Variants in ADD2 observed in about 807,000 individuals in gnomAD.
ADD2 encodes beta-adducin.
Under a neutral mutation model 83.0 loss-of-function variants are expected in ADD2, and 23 were observed. The observed-to-expected ratio is 0.28, with a 90% CI of 0.20 to 0.39. ADD2 has a LOEUF of 0.39. Ranked by LOEUF, ADD2 falls within the 10% of genes least tolerant of loss-of-function variation. The pLI, the probability that ADD2 is intolerant of heterozygous loss-of-function variation, is 1.00. For missense variants in ADD2, 758 were observed against 944.9 expected, an observed-to-expected ratio of 0.80 and a Z score of 2.59; for synonymous variants, 375 against 375.4, an observed-to-expected ratio of 1.00 and a Z score of 0.01.
intron 1 of ADD2, among the ~76,000 whole-genome samples, chr2:70,758,302 G>A (rs1236856211): frequency 1.3e-5 from 2 of 152,144 alleles, no homozygotes; most frequent in African/African-American, 4.8e-5. Flanking sequence ...CTAGCTTTGT[G>A]AATTTTTTTG....
chr2:70,696,201 G>C, intron 5 of ADD2, 44 bp downstream of exon 5: 1 of 1,590,764 alleles, frequency 6.3e-7, no homozygotes. Context: ...GGTTTTGTGG[G>C]ACCACATGCA....
intron 1 of ADD2, among the ~76,000 whole-genome samples, chr2:70,714,405 A>C (rs1488246050): frequency 2.0e-5 from 3 of 152,064 alleles, no homozygotes; most frequent in Non-Finnish European, 2.9e-5. Flanking sequence ...GGACAAGGAG[A>C]ACTCATCTTG....
At chr2:70,767,521 G>A in intron 1 of ADD2, 1 of 435,554 alleles carries the variant, frequency 2.3e-6, no homozygotes, top group Non-Finnish European at 3.2e-6. Flanking sequence ...GGAGGGGAGG[G>A]AGGGGAGGGG....
intron 4 of ADD2, among the ~76,000 whole-genome samples, 200 bp downstream of exon 4, chr2:70,704,121 T>C (rs1012371594): frequency 6.6e-6 from 1 of 152,148 alleles, no homozygotes; most frequent in Non-Finnish European, 1.5e-5. Context: ...AATTTTTCTG[T>C]GGACGTTTAA....
intron 4 of ADD2, among the ~76,000 whole-genome samples, chr2:70,703,234 AAG>A (rs782118580): frequency 4.6e-5 from 7 of 152,134 alleles, no homozygotes; most frequent in Admixed American, 1.3e-4. Context: ...GAGAAAGAGA[AAG>A]AGAGAGAGAA....
rs143736011 is a variant in ADD2, at chr2:70,673,311, C to T, written c.1742-305G>A. ...CACGGCCGGACCAGAGCCTGGCTCTCGTTCCTGTCCTGTCTCTGAAGAGAA... is the reference window on the plus strand; with the variant it reads ...CACGGCCGGACCAGAGCCTGGCTCTTGTTCCTGTCCTGTCTCTGAAGAGAA... On this transcript the variant is annotated intron_variant, in intron 14 of 15. Coordinates refer to ENST00000264436, the MANE Select transcript of ADD2 (RefSeq NM_001617.4). 4.1e-4 allele frequency: 655 copies of T among 1,613,954 alleles called. 1 individual carries two copies. Among genetic ancestry groups the T allele is most frequent in the Non-Finnish European group, 1.4e-4 (171 of 1,180,042 alleles).
Position 70,676,527 on chromosome 2 carries a change from G to A in ADD2, c.1593+269C>T, listed in dbSNP as rs1217404416. 2 of 1,385,218 alleles carry A rather than the reference G, an allele frequency of 1.4e-6. No homozygotes were observed. Among genetic ancestry groups the A allele is most frequent in the Non-Finnish European group, 1.9e-6 (2 of 1,065,254 alleles). The allele number at this position is 1,385,218 out of a possible 1,614,324, so 85.8% of individuals were successfully genotyped here. On this transcript the variant is annotated intron_variant, in intron 13 of 15. Transcript: ENST00000264436. The surrounding 1 kb of genome is among the most constrained non-coding windows in gnomAD (Gnocchi z 4.8). ...GACAGAGTGGAGTTCCATGGCAGGA[G>A]GTACGGAAGCCGGCCGCATCACTCC...
chr2:70,674,456 C>T (rs1670036905), intron 14 of ADD2, among the ~76,000 whole-genome samples: 1 of 152,162 alleles, frequency 6.6e-6, no homozygotes, highest in Non-Finnish European at 1.5e-5. Flanking sequence ...AAGCACATTA[C>T]AAGTATTAAC....
At chr2:70,693,695 TG>T (rs1671165193) in intron 6 of ADD2, among the ~76,000 whole-genome samples, 1 of 152,226 alleles carries the variant, frequency 6.6e-6, no homozygotes, top group Non-Finnish European at 1.5e-5. Flanking sequence ...TAAACCCAAG[TG>T]TGGAGTGCTG....
chr2:70,668,506 C>G (rs890577000), intron 15 of ADD2, among the ~76,000 whole-genome samples: 1 of 152,200 alleles, frequency 6.6e-6, no homozygotes, highest in South Asian at 2.1e-4. Context: ...TTTTGAGAGT[C>G]TATTCATCAC....
chr2:70,672,177 A>G (rs1007206814), intron 15 of ADD2, among the ~76,000 whole-genome samples: 19 of 152,340 alleles, frequency 1.2e-4, no homozygotes, highest in Admixed American at 7.8e-4. Flanking sequence ...AGGCTCAGAG[A>G]TGCTGATTTG....
chr2:70,756,590 G>A (rs1461525432), intron 1 of ADD2, among the ~76,000 whole-genome samples: 2 of 152,182 alleles, frequency 1.3e-5, no homozygotes, highest in Admixed American at 1.3e-4. Context: ...AGGAAATAGA[G>A]TATTTTATCA....
chr2:70,691,208 C>T (rs2286316), intron 7 of ADD2, among the ~76,000 whole-genome samples: 44,097 of 152,022 alleles, frequency 0.29, 6,746 homozygotes, highest in East Asian at 0.44. Context: ...CTCCAGAGAC[C>T]TATTGCTGCC....
intron 15 of ADD2, among the ~76,000 whole-genome samples, chr2:70,671,786 G>T (rs555711962): frequency 9.5e-4 from 144 of 152,272 alleles, no homozygotes; most frequent in African/African-American, 3.4e-3. Context: ...TGTGGAGGGA[G>T]CTCAGGGTTG....
intron 1 of ADD2, among the ~76,000 whole-genome samples, chr2:70,735,882 T>TTTTTTTC (rs375014240): frequency 7.1e-6 from 1 of 140,700 alleles, no homozygotes; most frequent in African/African-American, 2.9e-5. Context: ...TTTTTTTTTT[T>TTTTTTTC]AGTAAAGATG....
At chr2:70,719,541 G>C (rs1446087241) in intron 1 of ADD2, among the ~76,000 whole-genome samples, 1 of 152,178 alleles carries the variant, frequency 6.6e-6, no homozygotes, top group Admixed American at 6.5e-5. Flanking sequence ...AGGGAAGAAA[G>C]GGTTGTTGGG....
intron 1 of ADD2, among the ~76,000 whole-genome samples, chr2:70,748,991 G>A (rs1327055873): frequency 2.0e-5 from 3 of 152,144 alleles, no homozygotes; most frequent in Non-Finnish European, 2.9e-5. Flanking sequence ...AAACTTGGAG[G>A]CTGTATTAGT....
At chr2:70,696,217 C>G (rs1227755431) in intron 5 of ADD2, 28 bp downstream of exon 5, 14 of 1,602,418 alleles carry the variant, frequency 8.7e-6, no homozygotes, top group Non-Finnish European at 1.1e-5. Flanking sequence ...ATGCAGTGCC[C>G]CACCCAATTC....
chr2:70,762,547 A>G (rs1553385195), intron 1 of ADD2, among the ~76,000 whole-genome samples: 1 of 151,454 alleles, frequency 6.6e-6, no homozygotes, highest in East Asian at 1.9e-4. Flanking sequence ...AGCATCAAAT[A>G]TAACTATGTA....
Sources: allele counts gnomAD v4.1 joint callset (sites outside exome capture counted in the v4.1 genomes callset), GRCh38; gene constraint gnomAD v4.1.1; non-coding constraint Gnocchi (gnomAD v3.1); transcripts MANE v1.5; gene names NCBI Gene and HGNC (gene_info 2026-07-23, HGNC 2026-07-21).